The following PCDHA3 variants were observed in gnomAD, a reference collection of about 807,000 sequenced individuals.
PCDHA3 encodes the protein protocadherin alpha 3, also known as protocadherin alpha-3.
A neutral mutation model predicts 62.2 loss-of-function variants in PCDHA3; 41 were observed. The observed-to-expected ratio is 0.66, with a 90% confidence interval of 0.51 to 0.86. The LOEUF (loss-of-function observed/expected upper bound fraction) is 0.86, where lower values mean the gene tolerates loss of function less well. Ranked by LOEUF, PCDHA3 falls within the 40% of genes least tolerant of loss-of-function variation. The pLI is 0.00. For synonymous variants in PCDHA3, 640 were observed against 555.4 expected (o/e 1.15, Z -2.14); for missense variants, 1,304 against 1,241.2 (o/e 1.05, Z -0.76).
At chr5:140,965,880 A>G (rs1414604415) in intron 1 of PCDHA3, among the ~76,000 whole-genome samples, 1 of 152,190 alleles carries the variant, frequency 6.6e-6, no homozygotes, top group Non-Finnish European at 1.5e-5. Context: ...CTTGGCCGAG[A>G]GCAGAATTGA....
intron 1 of PCDHA3, among the ~76,000 whole-genome samples, chr5:140,840,258 A>AT (rs1258351713): frequency 9.9e-5 from 15 of 152,108 alleles, no homozygotes; most frequent in South Asian, 2.1e-4. Context: ...AAAAATTGTG[A>AT]TTTTTTAATG....
chr5:140,835,847 G>T (rs140727991), intron 1 of PCDHA3: 20 of 1,612,344 alleles, frequency 1.2e-5, no homozygotes, highest in Admixed American at 1.7e-5. Flanking sequence ...AGAAGAACGC[G>T]CTGGTGTCCT....
rs782619715 is a variant in PCDHA3, at chr5:140,883,236, T to C, written c.2394+79645T>C. 1.2e-5 allele frequency: 20 copies of C among 1,613,888 alleles called. No individual in the cohort carries two copies. Among genetic ancestry groups the C allele is most frequent in the Non-Finnish European group, 1.7e-5 (20 of 1,180,006 alleles). On this transcript the variant is annotated intron_variant, in intron 1 of 3. Coordinates refer to ENST00000522353, the MANE Select transcript of PCDHA3 (RefSeq NM_018906.3). ...TTATATGAAATATCCGTGGAGGCAGTTGACAAAGGAAATATTCCAATGGCG... is the reference window on the plus strand; with the variant it reads ...TTATATGAAATATCCGTGGAGGCAGCTGACAAAGGAAATATTCCAATGGCG...
intron 1 of PCDHA3, among the ~76,000 whole-genome samples, chr5:140,840,200 G>T (rs1412931294): frequency 6.6e-6 from 1 of 151,990 alleles, no homozygotes; most frequent in South Asian, 2.1e-4. Flanking sequence ...CAAAGGAAAA[G>T]AAGTCATAAA....
In PCDHA3 at chr5:140,891,714, A is replaced by T. The variant is rs147881763; in HGVS notation, c.2395-87235A>T. On this transcript the variant is annotated intron_variant, in intron 1 of 3. Transcript: ENST00000522353. ...GCTGTTGTCTGAATTTGTACCCCCA[A>T]ATTCATGTGTTGAAAATTCAATCCC... Among the ~76,000 whole-genome samples the T allele has an allele frequency of 2.6e-5, 4 of 152,262 alleles. No individual in the cohort carries two copies. In the East Asian group the frequency reaches 5.8e-4, roughly 22 times the overall value.
In PCDHA3 at chr5:140,841,532, C is replaced by A. The variant is rs2150317529; in HGVS notation, c.2394+37941C>A. 22 of 1,613,576 alleles carry A rather than the reference C, an allele frequency of 1.4e-5. No individual in the cohort carries two copies. In the South Asian group the frequency reaches 2.3e-4, roughly 17 times the overall value. ...CCTGTTCCGGGTGGCGTCCAAAAGA[C>A]ACCGGGACCTTCTGGAGGTAAGTCT... On this transcript the variant is annotated intron_variant, in intron 1 of 3. Coordinates refer to ENST00000522353, the MANE Select transcript of PCDHA3 (RefSeq NM_018906.3).
In PCDHA3 at chr5:140,802,482, G is replaced by T. The variant is rs782301588; in HGVS notation, c.1285G>T (p.Asp429Tyr). The T allele has an allele frequency of 1.2e-6, 2 of 1,614,192 alleles. No homozygotes were observed. Among genetic ancestry groups the T allele is most frequent in the East Asian group, 4.5e-5 (2 of 44,880 alleles). ...SAYELVVTARDGGSPSLWATA... is the reference protein window; with the variant it reads ...SAYELVVTARYGGSPSLWATA... ...CTATGAGCTGGTGGTGACTGCTCGG[G>T]ACGGGGGCTCGCCTTCACTGTGGGC... Residue 429 changes from aspartate to tyrosine, a missense_variant, in exon 1 of 4, where the codon GAC becomes TAC. Asp to Tyr is a radical substitution (Grantham distance 160, BLOSUM62 -3). Coordinates refer to ENST00000522353, the MANE Select transcript of PCDHA3 (RefSeq NM_018906.3).
At chr5:140,828,743 G>A (rs1159793730) in intron 1 of PCDHA3, 3 of 1,614,118 alleles carry the variant, frequency 1.9e-6, no homozygotes, top group African/African-American at 2.7e-5. Flanking sequence ...CACAGATGGG[G>A]GCAAACCTGA....
intron 1 of PCDHA3, chr5:140,809,259 C>T: frequency 6.2e-7 from 1 of 1,614,090 alleles, no homozygotes; most frequent in Non-Finnish European, 8.5e-7. Context: ...GGTCCCGATG[C>T]TGCGCTGGTG....
At chr5:140,903,616 T>C (rs1053634742) in intron 1 of PCDHA3, among the ~76,000 whole-genome samples, 72 of 152,338 alleles carry the variant, frequency 4.7e-4, no homozygotes, top group African/African-American at 1.7e-3. Context: ...CACATGAATG[T>C]GCATGCATAT....
At chr5:140,989,153 A>C (rs1409258920) in intron 3 of PCDHA3, among the ~76,000 whole-genome samples, 2 of 152,186 alleles carry the variant, frequency 1.3e-5, no homozygotes, top group Non-Finnish European at 2.9e-5. Flanking sequence ...CTTTTGTTTA[A>C]GAGTGTTGCA....
At chr5:140,990,981 A>G (rs1554251870) in intron 3 of PCDHA3, among the ~76,000 whole-genome samples, 1 of 152,206 alleles carries the variant, frequency 6.6e-6, no homozygotes, top group Non-Finnish European at 1.5e-5. Context: ...AGAAAGGAAG[A>G]CAATAGCTAC....
At chr5:140,852,397 C>A in intron 1 of PCDHA3, 1 of 184,368 alleles carries the variant, frequency 5.4e-6, no homozygotes, top group Non-Finnish European at 1.2e-5. Flanking sequence ...CCTGCCTCAG[C>A]CTCCTGAGTA....
At chr5:140,876,558 T>C in intron 1 of PCDHA3, 1 of 1,614,216 alleles carries the variant, frequency 6.2e-7, no homozygotes, top group Non-Finnish European at 8.5e-7. Flanking sequence ...TGCAAGAGGA[T>C]GCTCAGGTGG....
intron 1 of PCDHA3, among the ~76,000 whole-genome samples, chr5:140,947,165 T>C (rs1034105702): frequency 6.6e-6 from 1 of 151,228 alleles, no homozygotes. Context: ...GGGTAGAAAA[T>C]GTGGTATATA....
intron 1 of PCDHA3, chr5:140,849,878 G>T (rs558218817): frequency 6.3e-7 from 1 of 1,598,486 alleles, no homozygotes; most frequent in East Asian, 2.2e-5. Context: ...CCGAGTACAC[G>T]GTGTTCGTGA....
chr5:140,922,434 C>T (rs1167616099), intron 1 of PCDHA3, among the ~76,000 whole-genome samples: 1 of 152,180 alleles, frequency 6.6e-6, no homozygotes, highest in Admixed American at 6.5e-5. Flanking sequence ...GAGGGCAGAA[C>T]TCTCTCATTA....
intron 1 of PCDHA3, chr5:140,856,004 T>C (rs782001586): frequency 6.5e-7 from 1 of 1,538,284 alleles, no homozygotes; most frequent in Non-Finnish European, 8.8e-7. Context: ...GTATGTGCGT[T>C]CTAGACCGCT....
intron 1 of PCDHA3, among the ~76,000 whole-genome samples, chr5:140,820,020 T>G (rs1330576883): frequency 2.0e-5 from 3 of 152,036 alleles, no homozygotes; most frequent in African/African-American, 7.2e-5. Context: ...ATTCCATAGC[T>G]TTGTAGTTTT....
Sources: gnomAD v4.1 joint callset for allele counts (sites outside exome capture counted in the v4.1 genomes callset) on GRCh38, gnomAD v4.1.1 for gene constraint, MANE v1.5 for transcripts, NCBI Gene and HGNC (gene_info 2026-07-23, HGNC 2026-07-21) for gene names.